The following GCNT1 variants were observed in gnomAD, a reference collection of about 807,000 sequenced individuals.
The protein encoded by GCNT1 is glucosaminyl (N-acetyl) transferase 1, also known as beta-1,3-galactosyl-O-glycosyl-glycoprotein beta-1,6-N-acetylglucosaminyltransferase.
Under a neutral mutation model 26.2 loss-of-function variants are expected in GCNT1, and 16 were observed. The observed-to-expected ratio is 0.61, with a 90% CI of 0.41 to 0.93. GCNT1 has a LOEUF of 0.93. Ranked by LOEUF, GCNT1 falls within the 40% of genes least tolerant of loss-of-function variation. The probability of loss-of-function intolerance (pLI) is 0.00; values close to 1 mark genes in which losing one functional copy is unlikely to be tolerated. For synonymous variants in GCNT1, 183 were observed against 190.8 expected (o/e 0.96, Z 0.34); for missense variants, 477 against 526.7 (o/e 0.91, Z 0.92).
chr9:76,455,688 G>A (rs867512345), upstream of GCNT1, among the ~76,000 whole-genome samples: 4 of 151,914 alleles, frequency 2.6e-5, no homozygotes, highest in African/African-American at 9.7e-5. Context: ...TGGAACCTCC[G>A]CCTCCCAGAT....
chr9:76,416,514 C>A (rs556536574), upstream of GCNT1, among the ~76,000 whole-genome samples: 1 of 152,330 alleles, frequency 6.6e-6, no homozygotes, highest in East Asian at 1.9e-4. Context: ...CTAGATGCTG[C>A]CATAGGGCCA....
At chr9:76,453,865 G>C (rs1823710241) in intron 1 of GCNT1, among the ~76,000 whole-genome samples, 1 of 152,094 alleles carries the variant, frequency 6.6e-6, no homozygotes, top group African/African-American at 2.4e-5. Flanking sequence ...TTCCAGTCTT[G>C]AGCTGGATCA....
chr9:76,499,205 G>A (rs1434517819), intron 2 of GCNT1, among the ~76,000 whole-genome samples: 2 of 152,022 alleles, frequency 1.3e-5, no homozygotes, highest in Non-Finnish European at 1.5e-5. Flanking sequence ...TTGGCTCACT[G>A]CAGTTTCCAC....
chr9:76,451,437 G>A (rs1272042039), intron 1 of GCNT1, among the ~76,000 whole-genome samples: 1 of 152,158 alleles, frequency 6.6e-6, no homozygotes, highest in Non-Finnish European at 1.5e-5. Flanking sequence ...CCTACATGGG[G>A]TGAGTCAGGG....
chr9:76,396,594 C>T, the GCNT1 span, among the ~76,000 whole-genome samples: 2 of 152,218 alleles, frequency 1.3e-5, no homozygotes, highest in South Asian at 4.1e-4. Flanking sequence ...GTAATCCCAG[C>T]ACTTTGGGAG....
intron 1 of GCNT1, among the ~76,000 whole-genome samples, chr9:76,453,315 A>G (rs867515035): frequency 3.9e-5 from 6 of 152,186 alleles, no homozygotes; most frequent in Non-Finnish European, 1.5e-5. Context: ...AGGTGGACAG[A>G]TTAAATCATT....
chr9:76,395,275 T>A, the GCNT1 span, among the ~76,000 whole-genome samples: 1 of 152,234 alleles, frequency 6.6e-6, no homozygotes, highest in African/African-American at 2.4e-5. Context: ...AGAAGTTTTT[T>A]ATTTATTTTT....
the GCNT1 span, among the ~76,000 whole-genome samples, chr9:76,404,433 A>T: frequency 1.3e-5 from 2 of 152,226 alleles, no homozygotes; most frequent in African/African-American, 4.8e-5. Flanking sequence ...AATTATTACC[A>T]GCTGAATAAA....
upstream of GCNT1, among the ~76,000 whole-genome samples, chr9:76,439,253 CT>C (rs1415510012): frequency 8.3e-6 from 1 of 121,090 alleles, no homozygotes; most frequent in Non-Finnish European, 1.6e-5. Flanking sequence ...TTGAGACAGT[CT>C]CACTCTGTCT....
At position 76,502,285 on chromosome 9, in the gene GCNT1, A is replaced by G; in HGVS notation, c.-97A>G. 1 of 728,118 alleles carries G rather than the reference A, an allele frequency of 1.4e-6. No individual in the cohort carries two copies. Among genetic ancestry groups the G allele is most frequent in the Non-Finnish European group, 2.3e-6 (1 of 439,732 alleles). 45.1% of individuals were successfully genotyped at this position (728,118 alleles called of 1,614,324 possible). Reference sequence around the variant, plus strand: ...GCCGTTGCAGCTCTGATAAATGCAAACTGACAACCTTCAAGGCCACGACGG... The same window carrying G: ...GCCGTTGCAGCTCTGATAAATGCAAGCTGACAACCTTCAAGGCCACGACGG... On this transcript the variant is annotated 5_prime_UTR_variant, in exon 4 of 4. Transcript: ENST00000376730.
chr9:76,459,681 T>A (rs1395754432), intron 1 of GCNT1, among the ~76,000 whole-genome samples: 2 of 152,140 alleles, frequency 1.3e-5, no homozygotes, highest in Non-Finnish European at 2.9e-5. Flanking sequence ...TTAACTTCAT[T>A]TAACTTCATT....
In GCNT1 at chr9:76,506,350, C is replaced by G. The variant is rs553738365; in HGVS notation, c.*2682C>G. The G allele has an allele frequency of 6.0e-6, 1 of 166,844 alleles. No individual in the cohort carries two copies. The highest frequency in any genetic ancestry group is 1.5e-5 in the Non-Finnish European group (1 of 68,088). The allele number at this position is 166,844 out of a possible 1,614,324, so 10.3% of individuals were successfully genotyped here. ...CTTCAGGATTTCAAGACCAGCCTAGCCAACATGACGAAACCCCATCTCTAC... is the reference window on the plus strand; with the variant it reads ...CTTCAGGATTTCAAGACCAGCCTAGGCAACATGACGAAACCCCATCTCTAC... On this transcript the variant is annotated 3_prime_UTR_variant, in exon 4 of 4. Transcript: ENST00000376730.
In GCNT1 at chr9:76,491,318, C is replaced by T. The variant is rs541240525; in HGVS notation, c.-289-9598C>T. On this transcript the variant is annotated intron_variant, in intron 2 of 3. Transcript: ENST00000376730. ...ATGCTGCTGTTCTCCTCTCCTTCCC[C>T]TTTTTGATGGCTTCGGCAGTGTAAG... Among the ~76,000 whole-genome samples the T allele has an allele frequency of 2.6e-5, 4 of 152,308 alleles. No individual in the cohort carries two copies. In the East Asian group the frequency reaches 7.7e-4, roughly 29 times the overall value.
intron 1 of GCNT1, among the ~76,000 whole-genome samples, chr9:76,436,301 G>A (rs143765592): frequency 1.3e-5 from 2 of 152,116 alleles, no homozygotes; most frequent in Non-Finnish European, 2.9e-5. Flanking sequence ...GTGGGAATTT[G>A]GGGGAAATTA....
intron 2 of GCNT1, among the ~76,000 whole-genome samples, chr9:76,467,069 G>T (rs1824013588): frequency 6.6e-6 from 1 of 150,844 alleles, no homozygotes; most frequent in South Asian, 2.1e-4. Flanking sequence ...TTGAGATGGA[G>T]TCTTGCTCTG....
chr9:76,431,044 T>C (rs112014349), intron 1 of GCNT1, among the ~76,000 whole-genome samples: 8 of 152,100 alleles, frequency 5.3e-5, no homozygotes, highest in Admixed American at 4.6e-4. Flanking sequence ...AGAATATATA[T>C]TGGAGTAGTT....
intron 2 of GCNT1, among the ~76,000 whole-genome samples, chr9:76,484,079 C>G (rs1824500006): frequency 6.6e-6 from 1 of 152,148 alleles, no homozygotes; most frequent in Admixed American, 6.5e-5. Context: ...GGTATATATT[C>G]TATCAGAAAG....
chr9:76,419,091 T>A (rs539246671), upstream of GCNT1, among the ~76,000 whole-genome samples: 20 of 152,274 alleles, frequency 1.3e-4, no homozygotes, highest in African/African-American at 4.6e-4. Context: ...GGGGTATCAC[T>A]TTTCTGAGTC....
chr9:76,406,877 T>G, the GCNT1 span, among the ~76,000 whole-genome samples: 1 of 151,828 alleles, frequency 6.6e-6, no homozygotes, highest in Non-Finnish European at 1.5e-5. Context: ...CCAGTTTCTA[T>G]TAAAAATACA....
Sources: allele counts gnomAD v4.1 joint callset (sites outside exome capture counted in the v4.1 genomes callset), GRCh38; gene constraint gnomAD v4.1.1; transcripts MANE v1.5; gene names NCBI Gene and HGNC (gene_info 2026-07-23, HGNC 2026-07-21).